The following ZBTB20 variants were observed in gnomAD, a reference collection of about 807,000 sequenced individuals.
ZBTB20 encodes zinc finger and BTB domain-containing protein 20.
In ZBTB20, 9 loss-of-function variants were observed where a neutral mutation model predicts 56.9. The observed-to-expected ratio is 0.16, with a 90% CI of 0.10 to 0.28. The LOEUF (loss-of-function observed/expected upper bound fraction) is 0.28, where lower values mean the gene tolerates loss of function less well. Ranked by LOEUF, ZBTB20 falls within the 10% of genes least tolerant of loss-of-function variation. ZBTB20 has a pLI of 1.00. For synonymous variants in ZBTB20, 417 were observed against 420.7 expected (o/e 0.99, Z 0.11); for missense variants, 655 against 1,003.0 (o/e 0.65, Z 4.69).
intron 11 of ZBTB20, among the ~76,000 whole-genome samples, chr3:114,348,125 C>T (rs1175959786): frequency 3.3e-5 from 5 of 152,096 alleles, no homozygotes; most frequent in Non-Finnish European, 7.4e-5. Flanking sequence ...AATTTAAAGA[C>T]TTATTTTATT....
rs77144862 is a variant in ZBTB20 at position 115,094,537 on chromosome 3, A to C, written c.-702-23123T>G. Among the ~76,000 whole-genome samples the C allele has an allele frequency of 5.0e-3, 754 of 151,554 alleles. 8 individuals are homozygous for C. Among genetic ancestry groups the C allele is most frequent in the African/African-American group, 0.017 (721 of 41,446 alleles). On this transcript the variant is annotated intron_variant, in intron 1 of 11. Transcript: ENST00000675478. Reference sequence around the variant, plus strand: ...GGAACATTTCTAGTTTTCTGCTAGTAATAGCTTTTTTTTTTTTTTAACTAA... The same window carrying C: ...GGAACATTTCTAGTTTTCTGCTAGTCATAGCTTTTTTTTTTTTTTAACTAA...
chr3:114,982,815 G>A (rs546092037), intron 2 of ZBTB20, among the ~76,000 whole-genome samples: 1 of 151,950 alleles, frequency 6.6e-6, no homozygotes, highest in East Asian at 1.9e-4. Context: ...TCCCTCCAAA[G>A]TCCAAAGTTT....
Position 114,325,328 on chromosome 3 carries a change from C to T in ZBTB20, c.*13677G>A, listed in dbSNP as rs1248096392. ...AGGAGAGCAAGAGCAGAGTAACTAG[C>T]CTTTGTTTTCAAAGATTCCCCTAGT... On this transcript the variant is annotated 3_prime_UTR_variant, in exon 12 of 12. Transcript: ENST00000675478. 2.6e-5 allele frequency: 4 copies of T among 152,118 alleles called. No individual in the cohort carries two copies. Among genetic ancestry groups the T allele is most frequent in the African/African-American group, 7.2e-5 (3 of 41,418 alleles). The allele number at this position is 152,118 out of a possible 1,614,324, so 9.4% of individuals were successfully genotyped here. A position where few individuals can be genotyped will look rare whatever the true frequency, so the allele number is the denominator to read the frequency against.
chr3:114,351,969 C>T (rs1576289998), intron 10 of ZBTB20, 91 bp from the exon 11 acceptor site: 1 of 1,483,396 alleles, frequency 6.7e-7, no homozygotes, highest in African/African-American at 1.4e-5. Context: ...GAGTAATGCT[C>T]ATGGCTCCTA....
chr3:115,127,625 A>T (rs985197037), intron 1 of ZBTB20, among the ~76,000 whole-genome samples: 12 of 152,132 alleles, frequency 7.9e-5, no homozygotes, highest in Non-Finnish European at 1.6e-4. Context: ...AATAAATTTT[A>T]AAAAGGAAAA....
At chr3:114,588,452 C>T (rs1199991597) in intron 6 of ZBTB20, among the ~76,000 whole-genome samples, 1 of 152,172 alleles carries the variant, frequency 6.6e-6, no homozygotes, top group Middle Eastern at 3.2e-3. Flanking sequence ...AAATAATAAA[C>T]TCAGTGAGAT....
chr3:114,527,108 A>G (rs2047312729), intron 6 of ZBTB20: 1 of 152,228 alleles, frequency 6.6e-6, no homozygotes. Context: ...CTATAGTTTA[A>G]TGGGTGGAGC....
intron 1 of ZBTB20, among the ~76,000 whole-genome samples, chr3:115,128,538 C>T (rs373761181): frequency 0.013 from 2,045 of 151,940 alleles, 38 homozygotes; most frequent in South Asian, 0.074. Context: ...GCGGCACATG[C>T]CTGTAATCCT....
At chr3:115,114,951 T>C (rs993841541) in intron 1 of ZBTB20, among the ~76,000 whole-genome samples, 3 of 152,130 alleles carry the variant, frequency 2.0e-5, no homozygotes, top group Non-Finnish European at 4.4e-5. Context: ...AAATTTCTTA[T>C]TACTTCTCAA....
chr3:114,876,091 G>A (rs1413743707), intron 4 of ZBTB20, among the ~76,000 whole-genome samples: 1 of 151,022 alleles, frequency 6.6e-6, no homozygotes, highest in Non-Finnish European at 1.5e-5. Context: ...TTTAAAATTA[G>A]CGGGGTATGG....
chr3:114,814,590 C>G (rs563203037), intron 4 of ZBTB20, among the ~76,000 whole-genome samples: 1 of 152,254 alleles, frequency 6.6e-6, no homozygotes, highest in South Asian at 2.1e-4. Context: ...GACAAAGTAA[C>G]ATATTTGTAT....
intron 1 of ZBTB20, among the ~76,000 whole-genome samples, chr3:115,084,899 C>T (rs907251583): frequency 3.3e-5 from 5 of 151,932 alleles, no homozygotes; most frequent in African/African-American, 1.2e-4. Flanking sequence ...TGAACCAGAT[C>T]TAAGAATCAT....
chr3:114,361,548 G>C (rs1044053766), intron 10 of ZBTB20, among the ~76,000 whole-genome samples: 2 of 152,138 alleles, frequency 1.3e-5, no homozygotes, highest in African/African-American at 4.8e-5. Flanking sequence ...AGGCTCCTTT[G>C]CCTCAGGGAG....
At chr3:114,404,850 A>C (rs986903030) in intron 7 of ZBTB20, among the ~76,000 whole-genome samples, 1 of 152,130 alleles carries the variant, frequency 6.6e-6, no homozygotes, top group Non-Finnish European at 1.5e-5. Context: ...GAATGCCCTC[A>C]GTTTGCCTCC....
At chr3:114,839,411 G>GAA (rs1481261308) in intron 4 of ZBTB20, among the ~76,000 whole-genome samples, 1 of 120,520 alleles carries the variant, frequency 8.3e-6, no homozygotes, top group African/African-American at 3.2e-5. Flanking sequence ...CTGTCTGAAA[G>GAA]AAAGAAAGAA....
chr3:114,996,061 T>C (rs1390635442), intron 2 of ZBTB20, among the ~76,000 whole-genome samples: 1 of 151,846 alleles, frequency 6.6e-6, no homozygotes, highest in Non-Finnish European at 1.5e-5. Flanking sequence ...TGAGCTACAA[T>C]AATAAAGTAA....
chr3:114,457,350 G>T (rs1300668307), intron 7 of ZBTB20, among the ~76,000 whole-genome samples: 1 of 152,154 alleles, frequency 6.6e-6, no homozygotes, highest in East Asian at 1.9e-4. Flanking sequence ...TCATTACACG[G>T]TAGTTATTAT....
chr3:115,052,008 C>T (rs1266761456), intron 2 of ZBTB20, among the ~76,000 whole-genome samples: 5 of 151,970 alleles, frequency 3.3e-5, no homozygotes, highest in African/African-American at 9.7e-5. Flanking sequence ...GAAATTTGCA[C>T]CCATGATCTG....
intron 5 of ZBTB20, among the ~76,000 whole-genome samples, chr3:114,795,941 A>G (rs935102661): frequency 3.9e-5 from 6 of 152,102 alleles, no homozygotes; most frequent in African/African-American, 1.4e-4. Context: ...GTAAAGGAAT[A>G]AGGCATACAC....
Sources: gnomAD v4.1 joint callset for allele counts (sites outside exome capture counted in the v4.1 genomes callset) on GRCh38, gnomAD v4.1.1 for gene constraint, MANE v1.5 for transcripts, NCBI Gene and HGNC (gene_info 2026-07-23, HGNC 2026-07-21) for gene names.